TIMP3: variants seen among roughly 807,000 people sequenced by gnomAD.
The protein encoded by TIMP3 is TIMP metallopeptidase inhibitor 3.
TIMP3 carries 11 observed loss-of-function variants against 30.0 expected under a neutral mutation model. The observed-to-expected ratio is 0.37, with a 90% CI of 0.23 to 0.61. TIMP3 has a LOEUF of 0.61. Among genes scored for constraint, TIMP3 ranks in the 20% least tolerant of loss-of-function variants. TIMP3 has a pLI of 0.70. For synonymous variants in TIMP3, 112 were observed against 111.3 expected, an observed-to-expected ratio of 1.01 and a Z score of -0.04; for missense variants, 181 against 276.8, an observed-to-expected ratio of 0.65 and a Z score of 2.45.
In TIMP3 at chr22:32,837,198, AT is replaced by A. The variant is rs1555978061; in HGVS notation, c.122-12249del. Among the ~76,000 whole-genome samples, 1 of 152,148 alleles carries A rather than the reference AT, an allele frequency of 6.6e-6. No individual in the cohort carries two copies. Among genetic ancestry groups the A allele is most frequent in the Non-Finnish European group, 1.5e-5 (1 of 68,030 alleles). ...TCTGAGAACCGTTTGAGGGCATGGT[AT>A]TTTTCTGGGCACTGCTTCAAAGGGG... is the stretch of plus-strand genomic sequence containing the variant. On this transcript the variant is annotated intron_variant, in intron 1 of 4. Coordinates refer to ENST00000266085, the MANE Select transcript of TIMP3 (RefSeq NM_000362.5). This position sits in a 1 kb window ranked among gnomAD's most constrained non-coding sequence, Gnocchi z 4.1.
chr22:32,830,889 C>T (rs149753065), intron 1 of TIMP3, among the ~76,000 whole-genome samples: 146 of 152,326 alleles, frequency 9.6e-4, no homozygotes, highest in African/African-American at 3.2e-3. Flanking sequence ...ACCCAGAACA[C>T]CGCGATCTGC....
chr22:32,834,764 TATG>T (rs2047680845), intron 1 of TIMP3, among the ~76,000 whole-genome samples: 1 of 152,024 alleles, frequency 6.6e-6, no homozygotes. Context: ...ACCCAGAAAA[TATG>T]ATTCCTATCT....
intron 1 of TIMP3, among the ~76,000 whole-genome samples, chr22:32,806,016 C>A (rs2046724839): frequency 6.6e-6 from 1 of 151,774 alleles, no homozygotes; most frequent in Admixed American, 6.6e-5. Flanking sequence ...GGAAAAGACC[C>A]TTGAAACCAT....
chr22:32,853,762 T>A (rs866670765), intron 2 of TIMP3, among the ~76,000 whole-genome samples: 8 of 152,374 alleles, frequency 5.3e-5, no homozygotes, highest in Admixed American at 1.3e-4. Flanking sequence ...CTAAGCTAAC[T>A]TTTATTGAAT....
intron 1 of TIMP3, among the ~76,000 whole-genome samples, chr22:32,817,199 C>A (rs5749521): frequency 1.3e-5 from 2 of 150,762 alleles, no homozygotes; most frequent in South Asian, 2.1e-4. Flanking sequence ...GCCAGGGTGA[C>A]AGAGCAAGAC....
chr22:32,813,570 T>G (rs866103302), intron 1 of TIMP3, among the ~76,000 whole-genome samples: 5 of 150,682 alleles, frequency 3.3e-5, no homozygotes, highest in Middle Eastern at 3.2e-3. Context: ...TGGGCCAGAT[T>G]CAGCCTTGTG....
chr22:32,849,170 C>G (rs1396528479), intron 1 of TIMP3, among the ~76,000 whole-genome samples: 2 of 152,130 alleles, frequency 1.3e-5, no homozygotes, highest in East Asian at 3.8e-4. Context: ...CAAGAAAATC[C>G]TCAGGGTCGG....
Position 32,801,841 on chromosome 22 carries a change from C to A in TIMP3, c.-161C>A. The A allele has an allele frequency of 1.1e-6, 1 of 918,954 alleles. No homozygotes were observed. Among genetic ancestry groups the A allele is most frequent in the Non-Finnish European group, 1.4e-6 (1 of 712,596 alleles). The allele number at this position is 918,954 out of a possible 1,614,324, so 56.9% of individuals were successfully genotyped here. A position where few individuals can be genotyped will look rare whatever the true frequency, so the allele number is the denominator to read the frequency against. ...CCGAGGCAGCCTCGCTGCGCCCCAT[C>A]CCGTCCCGCCGGGCACTCGGAGGGC... On this transcript the variant is annotated 5_prime_UTR_variant, in exon 1 of 5. Coordinates refer to ENST00000266085, the MANE Select transcript of TIMP3 (RefSeq NM_000362.5). The surrounding 1 kb of genome is among the most constrained non-coding windows in gnomAD (Gnocchi z 4.7).
intron 1 of TIMP3, among the ~76,000 whole-genome samples, chr22:32,838,309 C>T (rs1282175762): frequency 6.6e-6 from 1 of 152,146 alleles, no homozygotes; most frequent in Non-Finnish European, 1.5e-5. Context: ...GAGAGGGACA[C>T]AGGACCTGGA....
intron 1 of TIMP3, among the ~76,000 whole-genome samples, chr22:32,831,737 C>T (rs2047580107): frequency 6.6e-6 from 1 of 152,148 alleles, no homozygotes; most frequent in South Asian, 2.1e-4. Context: ...GCATTAATGT[C>T]CAGTGCTCCC....
At chr22:32,813,374 C>T (rs1205715321) in intron 1 of TIMP3, among the ~76,000 whole-genome samples, 2 of 152,054 alleles carry the variant, frequency 1.3e-5, no homozygotes, top group African/African-American at 4.8e-5. Context: ...CTGGAGGGGA[C>T]AGCTGCTGTC....
chr22:32,856,648 C>T (rs2048376150), intron 2 of TIMP3, among the ~76,000 whole-genome samples: 1 of 152,142 alleles, frequency 6.6e-6, no homozygotes, highest in South Asian at 2.1e-4. Context: ...AAACATTTAT[C>T]GTTTCTTCAT....
chr22:32,859,384 G>A lies in TIMP3; in HGVS notation c.*7G>A. The A allele has an allele frequency of 4.4e-6, 7 of 1,606,560 alleles. No homozygotes were observed. Among genetic ancestry groups the A allele is most frequent in the Non-Finnish European group, 5.9e-6 (7 of 1,179,510 alleles). On this transcript the variant is annotated 3_prime_UTR_variant, in exon 5 of 5. Coordinates refer to ENST00000266085, the MANE Select transcript of TIMP3 (RefSeq NM_000362.5). ...CAATGCCACAGACCCCTGAGCGCCAGACCCTGCCCCACCTCACTTCCCTCC... is the reference window on the plus strand; with the variant it reads ...CAATGCCACAGACCCCTGAGCGCCAAACCCTGCCCCACCTCACTTCCCTCC...
At position 32,857,366 on chromosome 22, in the gene TIMP3, G is replaced by T; in HGVS notation, c.316+6G>T. 4.3e-6 allele frequency: 7 copies of T among 1,610,022 alleles called. No homozygotes were observed. The highest frequency in any genetic ancestry group is 6.0e-6 in the Non-Finnish European group (7 of 1,176,356). ...GTACCAGTACCTGCTGACAGGTAAT[G>T]GCCAACTCTAGCTTCTAGGCCAGGG... On this transcript the variant is annotated splice_donor_region_variant and intron_variant, in intron 3 of 4. Coordinates refer to ENST00000266085, the MANE Select transcript of TIMP3 (RefSeq NM_000362.5).
chr22:32,829,294 C>G (rs1340972950), intron 1 of TIMP3, among the ~76,000 whole-genome samples: 2 of 152,226 alleles, frequency 1.3e-5, no homozygotes, highest in Non-Finnish European at 2.9e-5. Flanking sequence ...ATTGCTCCCC[C>G]AGCTTACTGT....
chr22:32,846,964 C>T (rs2048082005), intron 1 of TIMP3, among the ~76,000 whole-genome samples: 2 of 152,210 alleles, frequency 1.3e-5, no homozygotes, highest in African/African-American at 4.8e-5. Context: ...AAGCTTCCAG[C>T]AGTACTCAGC....
chr22:32,814,144 G>GAC (rs2046997505), intron 1 of TIMP3, among the ~76,000 whole-genome samples: 2 of 128,118 alleles, frequency 1.6e-5, no homozygotes. Flanking sequence ...GTGTGTGTGA[G>GAC]AGAGAGAGAG....
At chr22:32,807,353 A>AT (rs2046775297) in intron 1 of TIMP3, among the ~76,000 whole-genome samples, 1 of 1,170 alleles carries the variant, frequency 8.5e-4, no homozygotes, top group Non-Finnish European at 1.7e-3. Flanking sequence ...ATATAAATAT[A>AT]TAATATATAA....
At chr22:32,824,844 T>C (rs919507750) in intron 1 of TIMP3, among the ~76,000 whole-genome samples, 1 of 152,198 alleles carries the variant, frequency 6.6e-6, no homozygotes, top group Non-Finnish European at 1.5e-5. Context: ...AGATGCTCCC[T>C]ACTCTTGCAG....
Sources: allele counts gnomAD v4.1 joint callset (sites outside exome capture counted in the v4.1 genomes callset), GRCh38; gene constraint gnomAD v4.1.1; non-coding constraint Gnocchi (gnomAD v3.1); transcripts MANE v1.5; gene names NCBI Gene and HGNC (gene_info 2026-07-23, HGNC 2026-07-21).